Variants in GRID1 observed in about 807,000 individuals in gnomAD.
The protein encoded by GRID1 is glutamate ionotropic receptor delta type subunit 1, also known as glutamate receptor ionotropic, delta-1.
A neutral mutation model predicts 98.0 loss-of-function variants in GRID1; 28 were observed. The observed-to-expected ratio is 0.29, with a 90% CI of 0.21 to 0.39. The LOEUF is 0.39. Ranked by LOEUF, GRID1 falls within the 10% of genes least tolerant of loss-of-function variation. The pLI is 1.00. For missense variants in GRID1, 1,111 were observed against 1,340.5 expected (o/e 0.83, Z 2.67); for synonymous variants, 553 against 538.5 (o/e 1.03, Z -0.37).
At chr10:85,613,684 C>A in intron 14 of GRID1, 37 bp from the exon 15 acceptor site, 1 of 1,590,754 alleles carries the variant, frequency 6.3e-7, no homozygotes, top group Non-Finnish European at 8.6e-7. Context: ...TAGCCACTGA[C>A]GTCATCAACT....
At chr10:86,142,578 AC>A (rs900593952) in intron 3 of GRID1, among the ~76,000 whole-genome samples, 1 of 152,158 alleles carries the variant, frequency 6.6e-6, no homozygotes, top group African/African-American at 2.4e-5. Context: ...TAAAGGTGGG[AC>A]CCTGAGACCT....
intron 2 of GRID1, among the ~76,000 whole-genome samples, chr10:86,290,332 G>A (rs1224719907): frequency 2.6e-5 from 4 of 152,180 alleles, no homozygotes; most frequent in Non-Finnish European, 4.4e-5. Flanking sequence ...TCCTGGGGAG[G>A]ACACATCAAA....
intron 2 of GRID1, among the ~76,000 whole-genome samples, chr10:86,221,725 G>A (rs1846256980): frequency 6.6e-6 from 1 of 152,208 alleles, no homozygotes; most frequent in Non-Finnish European, 1.5e-5. Context: ...GGAAAGGGAG[G>A]GTGGAGTCCC....
rs1262615394 is a variant in GRID1, at chr10:86,199,158, A to G, written c.520+7206T>C. 4.6e-5 allele frequency among the ~76,000 whole-genome samples: 7 copies of G among 152,064 alleles called. 1 individual carries two copies. The highest frequency in any genetic ancestry group is 1.0e-4 in the Non-Finnish European group (7 of 67,974). ...ACTGTGTTTCCTTTCCTTAAACAGCATTTCCTTGGAGTGACCATGTGTGTC... is the reference window on the plus strand; with the variant it reads ...ACTGTGTTTCCTTTCCTTAAACAGCGTTTCCTTGGAGTGACCATGTGTGTC... On this transcript the variant is annotated intron_variant, in intron 3 of 15. Transcript: ENST00000327946.
chr10:85,738,243 A>G (rs1431165893), intron 8 of GRID1, among the ~76,000 whole-genome samples: 1 of 152,234 alleles, frequency 6.6e-6, no homozygotes, highest in East Asian at 1.9e-4. Context: ...ATTTTTCCAA[A>G]GAGGAAGACA....
At chr10:85,811,384 A>T (rs1291480906) in intron 8 of GRID1, among the ~76,000 whole-genome samples, 1 of 152,186 alleles carries the variant, frequency 6.6e-6, no homozygotes. Flanking sequence ...GCAGTAATAG[A>T]CCCCAAATCA....
chr10:85,793,012 C>T (rs1482785586), intron 8 of GRID1, among the ~76,000 whole-genome samples: 1 of 152,190 alleles, frequency 6.6e-6, no homozygotes, highest in Non-Finnish European at 1.5e-5. Context: ...TGTCCCATCC[C>T]TCCCTTAGCT....
intron 5 of GRID1, among the ~76,000 whole-genome samples, chr10:85,887,637 C>T (rs1399024499): frequency 6.6e-6 from 1 of 152,150 alleles, no homozygotes; most frequent in Non-Finnish European, 1.5e-5. Context: ...AAGTGATGAG[C>T]GTAGGGTCTG....
chr10:85,821,198 G>T (rs1003910581), intron 8 of GRID1, among the ~76,000 whole-genome samples: 5 of 151,524 alleles, frequency 3.3e-5, no homozygotes, highest in African/African-American at 9.7e-5. Context: ...AAAATTATAG[G>T]AAACACCAAA....
intron 2 of GRID1, among the ~76,000 whole-genome samples, chr10:86,326,384 A>C (rs1334427921): frequency 6.6e-6 from 1 of 152,242 alleles, no homozygotes; most frequent in African/African-American, 2.4e-5. Context: ...GATGAGAAGT[A>C]GCTAGTGTCT....
At chr10:86,040,806 G>A (rs753983626) in intron 4 of GRID1, among the ~76,000 whole-genome samples, 7 of 152,150 alleles carry the variant, frequency 4.6e-5, no homozygotes, top group Non-Finnish European at 7.3e-5. Context: ...TAATTACCCC[G>A]ATCTGATAAT....
At chr10:86,299,657 A>G (rs1847653311) in intron 2 of GRID1, among the ~76,000 whole-genome samples, 1 of 152,208 alleles carries the variant, frequency 6.6e-6, no homozygotes, top group Non-Finnish European at 1.5e-5. Flanking sequence ...AGATTTCAAT[A>G]GCGCTTTGCC....
intron 4 of GRID1, among the ~76,000 whole-genome samples, chr10:86,091,848 G>A (rs1844153487): frequency 1.3e-5 from 2 of 152,176 alleles, no homozygotes; most frequent in South Asian, 4.1e-4. Flanking sequence ...CCCCGAGCCG[G>A]GTAGACTCGC....
At chr10:86,170,678 C>T (rs1039326312) in intron 3 of GRID1, among the ~76,000 whole-genome samples, 1 of 152,144 alleles carries the variant, frequency 6.6e-6, no homozygotes, top group Non-Finnish European at 1.5e-5. Context: ...CACACACATA[C>T]ACACACACAC....
intron 12 of GRID1, among the ~76,000 whole-genome samples, chr10:85,697,008 C>T (rs1841401928): frequency 6.6e-6 from 1 of 151,798 alleles, no homozygotes; most frequent in South Asian, 2.1e-4. Context: ...TGATTTTACT[C>T]TTTAAATTTA....
intron 2 of GRID1, among the ~76,000 whole-genome samples, chr10:86,218,941 CT>C (rs1846213031): frequency 6.6e-6 from 1 of 152,206 alleles, no homozygotes; most frequent in Admixed American, 6.5e-5. Context: ...GTACATCATC[CT>C]GGCCTGGCCC....
At chr10:85,608,987 T>C (rs1212569890) in intron 15 of GRID1, among the ~76,000 whole-genome samples, 3 of 152,106 alleles carry the variant, frequency 2.0e-5, no homozygotes, top group Admixed American at 6.5e-5. Flanking sequence ...GAAGCCAGGA[T>C]CCAGGAGCCT....
intron 4 of GRID1, among the ~76,000 whole-genome samples, chr10:85,962,267 C>G (rs1842278256): frequency 6.6e-6 from 1 of 152,200 alleles, no homozygotes; most frequent in Non-Finnish European, 1.5e-5. Flanking sequence ...CATTGCTCTC[C>G]CCTACAAAGT....
At chr10:85,835,254 G>A (rs1233011236) in intron 8 of GRID1, among the ~76,000 whole-genome samples, 9 of 152,210 alleles carry the variant, frequency 5.9e-5, no homozygotes, top group East Asian at 3.9e-4. Flanking sequence ...ACCCCATCTC[G>A]GCATCTGATA....
Sources: allele counts gnomAD v4.1 joint callset (sites outside exome capture counted in the v4.1 genomes callset), GRCh38; gene constraint gnomAD v4.1.1; transcripts MANE v1.5; gene names NCBI Gene and HGNC (gene_info 2026-07-23, HGNC 2026-07-21).